Variants in OR56A3 observed in about 807,000 individuals in gnomAD.
The protein encoded by OR56A3 is olfactory receptor family 56 subfamily A member 3.
In OR56A3, 23 loss-of-function variants were observed where a neutral mutation model predicts 17.5. The ratio of observed to expected loss-of-function variants is 1.32; its 90% confidence interval spans 0.95 to 1.87. OR56A3 has a LOEUF of 1.87. Among genes scored for constraint, OR56A3 ranks in the 40% most tolerant of loss-of-function variants. OR56A3 has a pLI of 0.00. For missense variants in OR56A3, 366 were observed against 380.1 expected, an observed-to-expected ratio of 0.96 and a Z score of 0.31; for synonymous variants, 175 against 150.6, an observed-to-expected ratio of 1.16 and a Z score of -1.19.
At chr11:6,018,482 A>T in the OR56A3 span, among the ~76,000 whole-genome samples, 4 of 152,124 alleles carry the variant, frequency 2.6e-5, no homozygotes, top group Admixed American at 6.5e-5. Flanking sequence ...TAAAATTTTT[A>T]AAATTATTGA....
chr11:5,953,902 T>A (rs1007316257), downstream of OR56A3, among the ~76,000 whole-genome samples: 1 of 152,076 alleles, frequency 6.6e-6, no homozygotes, highest in Admixed American at 6.6e-5. Context: ...GGGGGACTCA[T>A]TGATTAATTA....
At chr11:6,018,629 C>A in the OR56A3 span, among the ~76,000 whole-genome samples, 1 of 151,678 alleles carries the variant, frequency 6.6e-6, no homozygotes, top group Non-Finnish European at 1.5e-5. Flanking sequence ...AATAATGCAC[C>A]TCAAGAAATT....
At position 5,942,638 on chromosome 11, in the gene OR56A3, C is replaced by T. The variant is rs143800015; in HGVS notation, c.-314+264C>T. Among the ~76,000 whole-genome samples, 201 of 152,326 alleles carry T rather than the reference C, an allele frequency of 1.3e-3. 1 individual carries two copies. Among genetic ancestry groups the T allele is most frequent in the African/African-American group, 4.7e-3 (194 of 41,578 alleles). The stretch of plus-strand genomic sequence containing the variant: ...AGAATTACATTAGTTTCTATAACTT[C>T]AGAGGTTGAAGACAAAGACCACAGT... On this transcript the variant is annotated intron_variant, in intron 1 of 2. Coordinates refer to ENST00000641160, the MANE Select transcript of OR56A3 (RefSeq NM_001003443.3).
chr11:5,980,145 G>C, the OR56A3 span, among the ~76,000 whole-genome samples: 6 of 152,196 alleles, frequency 3.9e-5, no homozygotes, highest in Non-Finnish European at 7.4e-5. Context: ...GTGCAGAGTA[G>C]CAGAATGTAT....
At chr11:5,994,396 C>T in the OR56A3 span, 18 of 719,222 alleles carry the variant, frequency 2.5e-5, no homozygotes, top group South Asian at 2.7e-5. Flanking sequence ...CCAGCCAGCT[C>T]GTCGTATTGT....
the OR56A3 span, chr11:6,002,621 G>T: frequency 6.2e-7 from 1 of 1,614,200 alleles, no homozygotes; most frequent in Non-Finnish European, 8.5e-7. Context: ...CCACATAACG[G>T]TCATAGGCCA....
the OR56A3 span, chr11:6,020,755 G>GAGAC: frequency 6.6e-6 from 1 of 152,064 alleles, no homozygotes; most frequent in South Asian, 2.1e-4. Context: ...TCTGCAAACA[G>GAGAC]AGACAGTTTG....
At chr11:6,013,102 A>C in the OR56A3 span, among the ~76,000 whole-genome samples, 4 of 152,204 alleles carry the variant, frequency 2.6e-5, no homozygotes, top group Non-Finnish European at 5.9e-5. Flanking sequence ...ACTCCTGCCC[A>C]AGAGCACAGG....
the OR56A3 span, among the ~76,000 whole-genome samples, chr11:5,989,436 AAG>A: frequency 6.6e-6 from 1 of 152,244 alleles, no homozygotes; most frequent in Non-Finnish European, 1.5e-5. Context: ...TAAATAAAGT[AAG>A]AAGTAAGTAA....
the OR56A3 span, among the ~76,000 whole-genome samples, chr11:5,978,652 C>G: frequency 1.3e-5 from 2 of 151,806 alleles, no homozygotes; most frequent in South Asian, 2.1e-4. Context: ...AGAATGGTAT[C>G]TTCTGTGAAG....
chr11:5,946,382 C>T (rs145571551), intron 2 of OR56A3, among the ~76,000 whole-genome samples: 36 of 152,262 alleles, frequency 2.4e-4, no homozygotes, highest in African/African-American at 8.7e-4. Flanking sequence ...TGGTACCTAA[C>T]AGAATGCCAG....
chr11:6,002,696 G>A, the OR56A3 span: 5 of 1,614,252 alleles, frequency 3.1e-6, no homozygotes, highest in Middle Eastern at 4.9e-4. Flanking sequence ...GGAGGAAGCA[G>A]GCTGGGAAGC....
At chr11:6,017,833 A>G in the OR56A3 span, among the ~76,000 whole-genome samples, 3 of 152,314 alleles carry the variant, frequency 2.0e-5, no homozygotes, top group Non-Finnish European at 4.4e-5. Flanking sequence ...CTTCACCTAT[A>G]CAATAAATAT....
downstream of OR56A3, among the ~76,000 whole-genome samples, chr11:5,953,079 T>C (rs763375129): frequency 2.0e-5 from 3 of 152,220 alleles, no homozygotes; most frequent in Non-Finnish European, 4.4e-5. Context: ...GCTGATTCTA[T>C]GTTTTTGCTA....
chr11:5,979,904 TCAAA>T, the OR56A3 span, among the ~76,000 whole-genome samples: 1 of 152,192 alleles, frequency 6.6e-6, no homozygotes, highest in African/African-American at 2.4e-5. Context: ...CTCATTAGTT[TCAAA>T]CAATGTATTG....
the OR56A3 span, among the ~76,000 whole-genome samples, chr11:6,004,917 G>A: frequency 6.6e-6 from 1 of 152,164 alleles, no homozygotes; most frequent in Non-Finnish European, 1.5e-5. Context: ...TCTTTTGAGA[G>A]CTTACCTAAT....
chr11:5,967,764 C>A, the OR56A3 span: 1 of 1,600,200 alleles, frequency 6.2e-7, no homozygotes, highest in Non-Finnish European at 8.5e-7. Context: ...GTGGGAACCA[C>A]AAGTACCTAG....
the OR56A3 span, chr11:6,002,714 C>G: frequency 4.3e-5 from 70 of 1,614,052 alleles, no homozygotes; most frequent in Middle Eastern, 1.2e-3. Context: ...AGCTGATCGA[C>G]CTGAGGTCAA....
rs1340326004 is a variant in OR56A3 at position 5,948,226 on chromosome 11, A to G, written c.880A>G (p.Ile294Val). 29 of 1,614,060 alleles carry G rather than the reference A, an allele frequency of 1.8e-5. No homozygotes were observed. Among genetic ancestry groups the G allele is most frequent in the African/African-American group, 2.7e-5 (2 of 74,920 alleles). The change falls in exon 3 of 3, where the codon ATC (isoleucine) becomes GTC (valine). Residue 294 changes from isoleucine (I) to valine (V), a missense_variant. Transcript: ENST00000641160. ...TGTCATTCCTGCAGCCCTTAACCCC[A>G]TCATTTACGGGGTGAGAACCCAAGA... ...HHVIPAALNPIIYGVRTQEIK... is the reference protein window; with the variant it reads ...HHVIPAALNPVIYGVRTQEIK...
Sources: gnomAD v4.1 joint callset for allele counts (sites outside exome capture counted in the v4.1 genomes callset) on GRCh38, gnomAD v4.1.1 for gene constraint, MANE v1.5 for transcripts, NCBI Gene and HGNC (gene_info 2026-07-23, HGNC 2026-07-21) for gene names.